The following BLTP1 variants were observed in gnomAD, a reference collection of about 807,000 sequenced individuals.
The protein encoded by BLTP1 is fragile site-associated protein.
the BLTP1 span, chr4:122,182,688 G>A: frequency 1.4e-5 from 14 of 985,124 alleles, no homozygotes; most frequent in Non-Finnish European, 1.6e-5. Context: ...GGGACCATAC[G>A]AAATGTTCTG....
chr4:122,185,315 A>G, the BLTP1 span: 1 of 982,556 alleles, frequency 1.0e-6, no homozygotes, highest in African/African-American at 1.7e-5. Context: ...TAGAGGTTAT[A>G]AAAAAGAGGT....
the BLTP1 span, chr4:122,325,352 A>T: frequency 6.4e-7 from 1 of 1,567,698 alleles, no homozygotes; most frequent in Non-Finnish European, 8.6e-7. Context: ...AGAGATATAC[A>T]TTGCTAAGTA....
the BLTP1 span, chr4:122,188,846 G>A: frequency 1.6e-6 from 1 of 631,838 alleles, no homozygotes; most frequent in Non-Finnish European, 2.0e-6. Context: ...ACCTTATGAG[G>A]TTTTATGTGA....
At chr4:122,194,590 T>C in the BLTP1 span, 1 of 972,902 alleles carries the variant, frequency 1.0e-6, no homozygotes, top group Non-Finnish European at 1.2e-6. Context: ...TTTATTTTAT[T>C]AGGTTGGCAG....
chr4:122,313,050 G>A, the BLTP1 span: 330 of 193,886 alleles, frequency 1.7e-3, 1 homozygote, highest in Non-Finnish European at 2.5e-3. Context: ...AAAGCCAGTT[G>A]GTAGTAAATG....
the BLTP1 span, chr4:122,281,344 T>C: frequency 2.0e-6 from 2 of 976,332 alleles, no homozygotes; most frequent in East Asian, 2.3e-4. Flanking sequence ...TTATTACTTT[T>C]TCTTGTCTAC....
chr4:122,242,976 A>G, the BLTP1 span: 3 of 1,370,010 alleles, frequency 2.2e-6, no homozygotes, highest in South Asian at 2.4e-5. Context: ...AAAAATCTAG[A>G]CTATAGTATT....
At chr4:122,310,802 A>G in the BLTP1 span, 1 of 242,206 alleles carries the variant, frequency 4.1e-6, no homozygotes, top group East Asian at 1.8e-4. Flanking sequence ...ACTAAACCCC[A>G]TCAAATACTT....
At chr4:122,357,066 A>G in the BLTP1 span, 4 of 975,608 alleles carry the variant, frequency 4.1e-6, no homozygotes, top group Admixed American at 2.5e-4. Flanking sequence ...AAGTGAAATG[A>G]CTAAAGAAAC....
At chr4:122,172,387 A>AT in the BLTP1 span, 11 of 644,642 alleles carry the variant, frequency 1.7e-5, no homozygotes, top group Non-Finnish European at 2.1e-5. Context: ...CATGAACTAG[A>AT]TTTTTTGAGA....
the BLTP1 span, chr4:122,264,015 T>G: frequency 1.4e-6 from 1 of 698,814 alleles, no homozygotes; most frequent in Non-Finnish European, 1.8e-6. Context: ...TAAAACAGTA[T>G]GTATGTATAA....
At chr4:122,169,477 A>G in the BLTP1 span, 3 of 235,902 alleles carry the variant, frequency 1.3e-5, no homozygotes. Context: ...GATTAAGTCT[A>G]GCTTTTTTTT....
chr4:122,156,713 A>G, the BLTP1 span, among the ~76,000 whole-genome samples: 1 of 152,256 alleles, frequency 6.6e-6, no homozygotes, highest in Admixed American at 6.5e-5. Flanking sequence ...TATAAGGGAT[A>G]TAAGCACATG....
At chr4:122,176,402 A>G in the BLTP1 span, among the ~76,000 whole-genome samples, 5 of 152,254 alleles carry the variant, frequency 3.3e-5, no homozygotes, top group South Asian at 1.0e-3. Flanking sequence ...AGAGGTATAT[A>G]CTCTTCAGTA....
the BLTP1 span, chr4:122,238,031 G>GT: frequency 3.4e-6 from 5 of 1,456,318 alleles, no homozygotes; most frequent in Middle Eastern, 2.0e-4. Context: ...AGATTGCCAT[G>GT]TTTTTTATAA....
the BLTP1 span, chr4:122,260,078 C>G: frequency 4.2e-6 from 1 of 238,516 alleles, no homozygotes; most frequent in African/African-American, 2.3e-5. Context: ...TGTACTTACA[C>G]AAACCTAGAT....
At chr4:122,163,939 C>A in the BLTP1 span, among the ~76,000 whole-genome samples, 1 of 152,140 alleles carries the variant, frequency 6.6e-6, no homozygotes, top group African/African-American at 2.4e-5. Flanking sequence ...TGTTCTGTGT[C>A]TACTTCCTTA....
chr4:122,180,066 A>ACT, the BLTP1 span: 23 of 984,740 alleles, frequency 2.3e-5, no homozygotes, highest in African/African-American at 3.9e-4. Flanking sequence ...ACACACACAC[A>ACT]CACACACGGC....
At chr4:122,307,599 C>T in the BLTP1 span, 9 of 985,168 alleles carry the variant, frequency 9.1e-6, no homozygotes, top group South Asian at 2.3e-4. Context: ...AAAGAAGTAA[C>T]AGCTCTACAG....
Sources: gnomAD v4.1 joint callset for allele counts (sites outside exome capture counted in the v4.1 genomes callset) on GRCh38, gnomAD v4.1.1 for gene constraint, MANE v1.5 for transcripts, NCBI Gene and HGNC (gene_info 2026-07-23, HGNC 2026-07-21) for gene names.